Variants in MYH15 observed in about 807,000 individuals in gnomAD.
MYH15 encodes myosin heavy chain 15, also known as myosin-15.
MYH15 carries 227 observed loss-of-function variants against 240.5 expected under a neutral mutation model. The observed-to-expected ratio is 0.94, with a 90% CI of 0.85 to 1.05. The LOEUF is 1.05. MYH15 is among the 50% of genes least tolerant of loss of function. The probability of loss-of-function intolerance (pLI) is 0.00; values close to 1 mark genes in which losing one functional copy is unlikely to be tolerated. For synonymous variants in MYH15, 785 were observed against 796.7 expected (o/e 0.99, Z 0.25); for missense variants, 2,217 against 2,247.5 (o/e 0.99, Z 0.27).
intron 3 of MYH15, 133 bp downstream of exon 3, chr3:108,501,579 C>T: frequency 8.8e-7 from 1 of 1,135,038 alleles, no homozygotes. Flanking sequence ...AAGGTCCCTT[C>T]CCAGTAGACA....
intron 25 of MYH15, among the ~76,000 whole-genome samples, chr3:108,433,983 T>G (rs1412030485): frequency 6.6e-6 from 1 of 152,126 alleles, no homozygotes; most frequent in African/African-American, 2.4e-5. Flanking sequence ...TACATGTAGC[T>G]GTAGAGTTTC....
At chr3:108,491,045 G>A (rs1357527509) in intron 9 of MYH15, among the ~76,000 whole-genome samples, 1 of 152,146 alleles carries the variant, frequency 6.6e-6, no homozygotes, top group African/African-American at 2.4e-5. Context: ...CTGCCACCAT[G>A]CCTGGCTAAG....
In MYH15 at chr3:108,464,761, T is replaced by C. The variant is rs2083100711; in HGVS notation, c.1608A>G (p.Thr536=). The C allele has an allele frequency of 6.2e-7, 1 of 1,613,802 alleles. No individual in the cohort carries two copies. Among genetic ancestry groups the C allele is most frequent in the Admixed American group, 1.7e-5 (1 of 59,974 alleles). Residue 536 remains threonine, a synonymous_variant, in exon 15 of 41, where the codon ACA becomes ACG. Transcript: ENST00000693548. The part of the protein sequence containing the change: ...LEEECMFPKA[T]DLTFKTKLFD... ...AGAGTTTGGTCTTGAAAGTCAGGTC[T>C]GTAGCCTTAGGAAACATACACTCTT...
chr3:108,394,840 G>A (rs1576205723), intron 35 of MYH15, among the ~76,000 whole-genome samples: 1 of 152,310 alleles, frequency 6.6e-6, no homozygotes, highest in Admixed American at 6.5e-5. Context: ...TTCTGAGGGT[G>A]TGAAAACTCG....
At chr3:108,470,999 G>T in intron 12 of MYH15, 152 bp from the exon 13 acceptor site, 1 of 446,520 alleles carries the variant, frequency 2.2e-6, no homozygotes, top group Non-Finnish European at 3.5e-6. Context: ...ATGAGAAAAG[G>T]AAGAAAAGAA....
chr3:108,430,366 T>A (rs1245564626), intron 26 of MYH15, among the ~76,000 whole-genome samples: 2 of 152,232 alleles, frequency 1.3e-5, no homozygotes, highest in African/African-American at 4.8e-5. Context: ...CATTATCAAA[T>A]AATGTTTTGA....
chr3:108,541,570 A>G, the MYH15 span, among the ~76,000 whole-genome samples: 38 of 152,146 alleles, frequency 2.5e-4, no homozygotes, highest in Non-Finnish European at 4.0e-4. Flanking sequence ...GGTAGCCATG[A>G]AAAAGTTTGT....
At chr3:108,533,486 T>C (rs2083725660), upstream of MYH15, among the ~76,000 whole-genome samples, 1 of 152,180 alleles carries the variant, frequency 6.6e-6, no homozygotes, top group African/African-American at 2.4e-5. Context: ...TAAGAGAATG[T>C]ATAAAAAGAT....
At chr3:108,421,359 C>T in intron 27 of MYH15, 145 bp from the exon 28 acceptor site, 2 of 980,662 alleles carry the variant, frequency 2.0e-6, no homozygotes, top group Non-Finnish European at 2.9e-6. Flanking sequence ...GAGATCACAT[C>T]TTCTGATTTC....
At chr3:108,460,548 C>T (rs1036516544) in intron 16 of MYH15, among the ~76,000 whole-genome samples, 181 bp from the exon 17 acceptor site, 2 of 151,918 alleles carry the variant, frequency 1.3e-5, no homozygotes, top group Admixed American at 6.6e-5. Flanking sequence ...TAGTGTTTTT[C>T]CTTAAGGATA....
chr3:108,513,085 A>G (rs2083533365), upstream of MYH15, among the ~76,000 whole-genome samples: 3 of 152,238 alleles, frequency 2.0e-5, no homozygotes, highest in Admixed American at 2.0e-4. Context: ...GTCACAGCCC[A>G]GTCCTAGCAA....
intron 11 of MYH15, among the ~76,000 whole-genome samples, chr3:108,479,332 G>A (rs1030099955): frequency 2.0e-5 from 3 of 152,118 alleles, no homozygotes; most frequent in African/African-American, 4.8e-5. Context: ...AGCTAGAGAG[G>A]TGGTTCTCAA....
intron 1 of MYH15, among the ~76,000 whole-genome samples, chr3:108,526,488 G>T (rs1408826317): frequency 6.2e-4 from 95 of 152,238 alleles, no homozygotes; most frequent in East Asian, 1.9e-4. Flanking sequence ...TATTGAGCCT[G>T]ACACAGAATG....
At chr3:108,395,131 T>C (rs916210751) in intron 35 of MYH15, among the ~76,000 whole-genome samples, 15 of 152,106 alleles carry the variant, frequency 9.9e-5, no homozygotes, top group Non-Finnish European at 1.6e-4. Context: ...TAGTTGGGTG[T>C]GGTGGCATAC....
Position 108,383,640 on chromosome 3 carries a change from A to C in MYH15, c.5721T>G (p.Ser1907=). The change falls in exon 40 of 41, where the codon TCT becomes TCG. Residue 1907 remains serine, a synonymous_variant. Coordinates refer to ENST00000693548, the MANE Select transcript of MYH15 (RefSeq NM_014981.3). The part of the protein sequence containing the change: ...EVKERAEVAE[S]QVNKLKIKAR... Reference sequence around the variant, plus strand: ...CTTTAATTTTGAGTTTATTGACTTGAGATTCTGCCACCTCTGCCCTTTCCT... The same window carrying C: ...CTTTAATTTTGAGTTTATTGACTTGCGATTCTGCCACCTCTGCCCTTTCCT... The C allele has an allele frequency of 1.2e-6, 2 of 1,612,992 alleles. No homozygotes were observed. The highest frequency in any genetic ancestry group is 8.5e-7 in the Non-Finnish European group (1 of 1,179,620).
intron 27 of MYH15, among the ~76,000 whole-genome samples, chr3:108,424,431 C>A (rs962024594): frequency 6.6e-6 from 1 of 152,134 alleles, no homozygotes; most frequent in African/African-American, 2.4e-5. Flanking sequence ...AAGAGTTGTA[C>A]CCTCAAAAGA....
intron 21 of MYH15, among the ~76,000 whole-genome samples, chr3:108,447,137 G>A (rs542840196): frequency 9.2e-5 from 14 of 152,210 alleles, no homozygotes; most frequent in African/African-American, 3.1e-4. Flanking sequence ...GAATCAGTGA[G>A]CTCAAAGACA....
chr3:108,472,050 C>T (rs2083182588), intron 12 of MYH15, among the ~76,000 whole-genome samples: 1 of 152,194 alleles, frequency 6.6e-6, no homozygotes, highest in Non-Finnish European at 1.5e-5. Flanking sequence ...TCTCAACAAC[C>T]TGGACAGAGA....
intron 32 of MYH15, among the ~76,000 whole-genome samples, chr3:108,407,751 C>G (rs1335679799): frequency 6.6e-6 from 1 of 152,198 alleles, no homozygotes; most frequent in Admixed American, 6.5e-5. Flanking sequence ...GAGGGGGCAG[C>G]TATGAGAATA....
Sources: gnomAD v4.1 joint callset for allele counts (sites outside exome capture counted in the v4.1 genomes callset) on GRCh38, gnomAD v4.1.1 for gene constraint, MANE v1.5 for transcripts, NCBI Gene and HGNC (gene_info 2026-07-23, HGNC 2026-07-21) for gene names.